The following TMEM132D variants were observed in gnomAD, a reference collection of about 807,000 sequenced individuals.
TMEM132D encodes the protein transmembrane protein 132D, also known as mature OL transmembrane protein.
A neutral mutation model predicts 62.3 loss-of-function variants in TMEM132D; 21 were observed. The observed-to-expected ratio is 0.34, with a 90% CI of 0.24 to 0.49. The LOEUF is 0.49. Among genes scored for constraint, TMEM132D ranks in the 20% least tolerant of loss-of-function variants. TMEM132D has a pLI of 0.99. For missense variants in TMEM132D, 1,346 were observed against 1,402.8 expected, an observed-to-expected ratio of 0.96 and a Z score of 0.65; for synonymous variants, 621 against 575.6, an observed-to-expected ratio of 1.08 and a Z score of -1.13.
intron 3 of TMEM132D, among the ~76,000 whole-genome samples, chr12:129,402,931 C>T (rs148338932): frequency 4.6e-5 from 7 of 152,166 alleles, no homozygotes; most frequent in African/African-American, 1.7e-4. Flanking sequence ...CCCACAGTCA[C>T]CTTTATTTCT....
chr12:129,646,833 CTT>C (rs1235541923), intron 2 of TMEM132D, among the ~76,000 whole-genome samples: 1 of 140,076 alleles, frequency 7.1e-6, no homozygotes, highest in Non-Finnish European at 1.5e-5. Context: ...GAGTTTTGCT[CTT>C]GTCACCCAGG....
chr12:129,578,515 G>A lies in TMEM132D; in HGVS notation c.969-47310C>T, dbSNP rs146252396. On this transcript the variant is annotated intron_variant, in intron 2 of 8. Transcript: ENST00000422113. ...TATATCTATTATACAATACACATGC[G>A]CACACACACACATACACATATATGT... 1.9e-3 allele frequency among the ~76,000 whole-genome samples: 286 copies of A among 149,988 alleles called. 2 individuals are homozygous for A. The highest frequency in any genetic ancestry group is 6.9e-3 in the Middle Eastern group (2 of 290).
chr12:129,181,665 C>T (rs1371189220), intron 5 of TMEM132D, among the ~76,000 whole-genome samples: 1 of 152,190 alleles, frequency 6.6e-6, no homozygotes, highest in East Asian at 1.9e-4. Context: ...GGCACAGAGT[C>T]CAGGCTCTTT....
chr12:129,902,265 G>A (rs535418583), intron 1 of TMEM132D, among the ~76,000 whole-genome samples: 6 of 152,206 alleles, frequency 3.9e-5, no homozygotes, highest in Non-Finnish European at 7.3e-5. Context: ...TTCTGAGAGA[G>A]ATCTCATCTC....
At chr12:129,199,700 A>T (rs1347562977) in intron 5 of TMEM132D, among the ~76,000 whole-genome samples, 2 of 152,196 alleles carry the variant, frequency 1.3e-5, no homozygotes, top group East Asian at 3.9e-4. Flanking sequence ...AAGGTGTAGG[A>T]GGAGCAAAGG....
chr12:129,547,202 C>A (rs992285156), intron 2 of TMEM132D, among the ~76,000 whole-genome samples: 5 of 152,152 alleles, frequency 3.3e-5, no homozygotes, highest in Admixed American at 2.6e-4. Context: ...GGTTACACAG[C>A]TCCCTTCCAG....
intron 3 of TMEM132D, among the ~76,000 whole-genome samples, chr12:129,502,419 G>A (rs1403944881): frequency 1.3e-5 from 2 of 152,128 alleles, no homozygotes; most frequent in East Asian, 1.9e-4. Flanking sequence ...CAGAACTGCA[G>A]CATGCTGTAT....
chr12:129,545,872 GTC>G, intron 2 of TMEM132D, among the ~76,000 whole-genome samples: 1 of 152,282 alleles, frequency 6.6e-6, no homozygotes, highest in East Asian at 1.9e-4. Flanking sequence ...AGGTAAAACC[GTC>G]TCTCGGAGCT....
At chr12:129,562,800 A>C (rs1475498837) in intron 2 of TMEM132D, among the ~76,000 whole-genome samples, 1 of 152,120 alleles carries the variant, frequency 6.6e-6, no homozygotes, top group Non-Finnish European at 1.5e-5. Context: ...ATATCCTCCC[A>C]ACCTTCGTTC....
chr12:129,752,576 C>A (rs1870035006), intron 1 of TMEM132D, among the ~76,000 whole-genome samples: 4 of 152,224 alleles, frequency 2.6e-5, no homozygotes, highest in Non-Finnish European at 5.9e-5. Context: ...ACCTGATAAT[C>A]TATGCTTCGA....
intron 4 of TMEM132D, among the ~76,000 whole-genome samples, chr12:129,327,574 G>A (rs1868957254): frequency 6.6e-6 from 1 of 152,186 alleles, no homozygotes; most frequent in African/African-American, 2.4e-5. Flanking sequence ...ACAGTGTCTA[G>A]TCTAGACTCA....
chr12:129,526,545 A>G (rs1472689807), intron 3 of TMEM132D, among the ~76,000 whole-genome samples: 15 of 152,058 alleles, frequency 9.9e-5, no homozygotes, highest in Admixed American at 9.8e-4. Context: ...AGCCTCCCAA[A>G]GTGCTGGGAT....
chr12:129,851,343 T>C (rs1873533893), intron 1 of TMEM132D, among the ~76,000 whole-genome samples: 1 of 152,226 alleles, frequency 6.6e-6, no homozygotes. Context: ...GAGACTCTTT[T>C]AAACCAGTCA....
chr12:129,134,354 G>A (rs1310652759), intron 5 of TMEM132D, among the ~76,000 whole-genome samples: 1 of 152,150 alleles, frequency 6.6e-6, no homozygotes, highest in East Asian at 1.9e-4. Context: ...TTTCTTTAAG[G>A]ACATGGTTAC....
intron 5 of TMEM132D, among the ~76,000 whole-genome samples, chr12:129,097,892 C>T (rs1875167481): frequency 6.6e-6 from 1 of 152,232 alleles, no homozygotes; most frequent in African/African-American, 2.4e-5. Context: ...ACAAAAACTG[C>T]ATACGCAGAA....
At chr12:129,642,435 G>T (rs1879663777) in intron 2 of TMEM132D, among the ~76,000 whole-genome samples, 1 of 152,180 alleles carries the variant, frequency 6.6e-6, no homozygotes, top group African/African-American at 2.4e-5. Context: ...ACAGTGGCCA[G>T]ATCAACCAGT....
At chr12:129,743,520 T>C (rs1162597549) in intron 1 of TMEM132D, among the ~76,000 whole-genome samples, 3 of 152,190 alleles carry the variant, frequency 2.0e-5, no homozygotes, top group Non-Finnish European at 4.4e-5. Flanking sequence ...TCCCCAGCCA[T>C]GCTGAACTGA....
chr12:129,220,903 A>AT (rs1879328756), intron 4 of TMEM132D, among the ~76,000 whole-genome samples: 1 of 151,644 alleles, frequency 6.6e-6, no homozygotes, highest in Admixed American at 6.6e-5. Context: ...AAAAAAAAAA[A>AT]AGCCCAACAA....
At chr12:129,403,388 C>T (rs534927014) in intron 3 of TMEM132D, among the ~76,000 whole-genome samples, 13 of 151,470 alleles carry the variant, frequency 8.6e-5, no homozygotes, top group African/African-American at 3.2e-4. Context: ...GAGAGTACAG[C>T]AAGGACTAAA....
Sources: allele counts gnomAD v4.1 joint callset (sites outside exome capture counted in the v4.1 genomes callset), GRCh38; gene constraint gnomAD v4.1.1; transcripts MANE v1.5; gene names NCBI Gene and HGNC (gene_info 2026-07-23, HGNC 2026-07-21).